Variants in PDS5A observed in about 807,000 individuals in gnomAD.
The protein encoded by PDS5A is sister chromatid cohesion protein PDS5 homolog A.
A neutral mutation model predicts 167.1 loss-of-function variants in PDS5A; 42 were observed. That is an observed-to-expected ratio of 0.25 (90% CI 0.20 to 0.33). The LOEUF (loss-of-function observed/expected upper bound fraction) is 0.33. PDS5A is among the 10% of genes least tolerant of loss of function. The pLI is 1.00. For missense variants in PDS5A, 1,033 were observed against 1,605.9 expected (o/e 0.64, Z 6.10); for synonymous variants, 553 against 554.6 (o/e 1.00, Z 0.04).
intron 13 of PDS5A, among the ~76,000 whole-genome samples, chr4:39,900,982 T>G (rs1222392040): frequency 6.6e-6 from 1 of 152,220 alleles, no homozygotes; most frequent in East Asian, 1.9e-4. Flanking sequence ...AAAAATGAAG[T>G]ATCAAAAATG....
rs2109836562 is a variant in PDS5A, at chr4:39,976,495, C to T, written c.83G>A (p.Gly28Glu). Reference sequence around the variant, plus strand: ...GATCTTGTCGGTGATCTCTTTTACCCCCGGAGGGTAAGCGATCTTCCCGTC... The same window carrying T: ...GATCTTGTCGGTGATCTCTTTTACCTCCGGAGGGTAAGCGATCTTCCCGTC... Reference protein sequence around the residue: ...SADGKIAYPPGVKEITDKITT... With the variant: ...SADGKIAYPPEVKEITDKITT... The change falls in exon 2 of 33, where the codon GGG becomes GAG. Residue 28 changes from glycine (G) to glutamate (E), a missense_variant. Gly to Glu is a moderately conservative substitution (Grantham distance 98). This residue lies in a region of PDS5A where 388 missense variants were observed against 615.1 expected (regional missense o/e 0.63). Transcript: ENST00000303538. 1 of 1,613,602 alleles carries T rather than the reference C, an allele frequency of 6.2e-7. No individual in the cohort carries two copies.
chr4:39,908,809 C>T, intron 10 of PDS5A: 1 of 347,852 alleles, frequency 2.9e-6, no homozygotes, highest in East Asian at 5.6e-5. Context: ...AGGCAGGTCG[C>T]ACAAGCTCAA....
chr4:39,893,318 A>G (rs1382705280), intron 16 of PDS5A, among the ~76,000 whole-genome samples: 1 of 152,178 alleles, frequency 6.6e-6, no homozygotes, highest in African/African-American at 2.4e-5. Flanking sequence ...CTCATTCATT[A>G]TATCCCCCAC....
intron 32 of PDS5A, among the ~76,000 whole-genome samples, chr4:39,834,839 C>T (rs1025960010): frequency 3.3e-5 from 5 of 152,244 alleles, no homozygotes; most frequent in African/African-American, 9.6e-5. Flanking sequence ...TCACGTTCCC[C>T]GATTGAAACT....
chr4:39,961,648 C>A (rs1046251681), intron 2 of PDS5A, among the ~76,000 whole-genome samples: 3 of 152,166 alleles, frequency 2.0e-5, no homozygotes, highest in African/African-American at 7.2e-5. Context: ...CTTGCCTTGG[C>A]CTTCCAAAGT....
intron 8 of PDS5A, among the ~76,000 whole-genome samples, chr4:39,916,486 G>T (rs1553901559): frequency 6.6e-6 from 1 of 152,108 alleles, no homozygotes; most frequent in Non-Finnish European, 1.5e-5. Context: ...ATACCAACAT[G>T]TATTATAAAT....
At chr4:39,972,664 C>A (rs970037986) in intron 2 of PDS5A, among the ~76,000 whole-genome samples, 20 of 147,614 alleles carry the variant, frequency 1.4e-4, no homozygotes, top group Admixed American at 7.5e-4. Context: ...TGTACCCAAC[C>A]ACAACTTTCC....
intron 7 of PDS5A, among the ~76,000 whole-genome samples, chr4:39,917,855 G>A (rs1008842648): frequency 3.3e-5 from 5 of 151,822 alleles, no homozygotes; most frequent in Admixed American, 2.0e-4. Flanking sequence ...GATTACAGGC[G>A]TGACCCATTG....
At chr4:39,895,643 T>A (rs992040337) in intron 16 of PDS5A, among the ~76,000 whole-genome samples, 1 of 152,178 alleles carries the variant, frequency 6.6e-6, no homozygotes, top group East Asian at 1.9e-4. Flanking sequence ...TTAAACACTT[T>A]TTCTTTCTTC....
intron 2 of PDS5A, 90 bp from the exon 3 acceptor site, chr4:39,928,254 C>G: frequency 1.3e-6 from 1 of 766,648 alleles, no homozygotes; most frequent in Non-Finnish European, 2.1e-6. Flanking sequence ...AAGTCATCTC[C>G]ATTAGCAATC....
chr4:39,858,325 G>A (rs1012811924), intron 26 of PDS5A, among the ~76,000 whole-genome samples: 1 of 152,136 alleles, frequency 6.6e-6, no homozygotes, highest in African/African-American at 2.4e-5. Context: ...TTATTATAAA[G>A]TTACAGTAAT....
At chr4:39,891,491 A>G (rs1721958064) in intron 16 of PDS5A, among the ~76,000 whole-genome samples, 1 of 151,774 alleles carries the variant, frequency 6.6e-6, no homozygotes, top group Non-Finnish European at 1.5e-5. Context: ...TCTATTAAAA[A>G]TACAAAATCA....
intron 2 of PDS5A, chr4:39,973,512 G>T: frequency 7.5e-7 from 1 of 1,332,722 alleles, no homozygotes; most frequent in East Asian, 2.3e-5. Context: ...AACGTCTCCA[G>T]AAAGAGTTTT....
rs557150660 is a variant in PDS5A, at chr4:39,904,728, T to C, written c.1234-537A>G. On this transcript the variant is annotated intron_variant, in intron 11 of 32. Transcript: ENST00000303538. ...TCTTTTTAAAGAAATGGGGTTTCGT[T>C]ACGTTGCCTAGGCTGGTCTCAAATT... Among the ~76,000 whole-genome samples the C allele has an allele frequency of 5.6e-4, 86 of 152,362 alleles. No homozygotes were observed. In the South Asian group the frequency reaches 8.9e-3, roughly 16 times the overall value.
chr4:39,926,747 A>G (rs1431825611), intron 4 of PDS5A, 28 bp downstream of exon 4: 20 of 1,295,312 alleles, frequency 1.5e-5, no homozygotes. Flanking sequence ...AATAATGTTA[A>G]TAGTTATTAA....
rs1723781517 is a variant in PDS5A at position 39,910,346 on chromosome 4, G to A, written c.993-8C>T. The A allele has an allele frequency of 1.3e-5, 18 of 1,347,836 alleles. No individual in the cohort carries two copies. Among genetic ancestry groups the A allele is most frequent in the African/African-American group, 2.9e-5 (2 of 70,060 alleles). The allele number at this position is 1,347,836 out of a possible 1,614,324, so 83.5% of individuals were successfully genotyped here. ...ACATGAATATCATTAAATCTACACA[G>A]AAAAAGATTGCTAAACATTAATTGT... On this transcript the variant is annotated splice_region_variant and splice_polypyrimidine_tract_variant and intron_variant, in intron 9 of 32. Coordinates refer to ENST00000303538, the MANE Select transcript of PDS5A (RefSeq NM_001100399.2).
chr4:39,941,459 C>T (rs977380322), intron 2 of PDS5A, among the ~76,000 whole-genome samples: 12 of 152,194 alleles, frequency 7.9e-5, no homozygotes, highest in African/African-American at 2.9e-4. Context: ...GAATGAACAA[C>T]CTATTTGCCA....
chr4:39,971,250 C>G (rs1730507671), intron 2 of PDS5A, among the ~76,000 whole-genome samples: 1 of 152,040 alleles, frequency 6.6e-6, no homozygotes, highest in African/African-American at 2.4e-5. Context: ...GCTCCGCCTC[C>G]TGGGTTCATG....
intron 2 of PDS5A, among the ~76,000 whole-genome samples, chr4:39,968,533 A>G (rs1187157890): frequency 6.6e-6 from 1 of 151,530 alleles, no homozygotes; most frequent in Non-Finnish European, 1.5e-5. Flanking sequence ...CCTGGGTTCA[A>G]GCGATTCTCC....
Sources: gnomAD v4.1 joint callset for allele counts (sites outside exome capture counted in the v4.1 genomes callset) on GRCh38, gnomAD v4.1.1 for gene constraint, gnomAD v4.1.1 regional missense constraint, MANE v1.5 for transcripts, NCBI Gene and HGNC (gene_info 2026-07-23, HGNC 2026-07-21) for gene names.